The following WDFY4 variants were observed in gnomAD, a reference collection of about 807,000 sequenced individuals.
WDFY4 encodes the protein WDFY family member 4.
Under a neutral mutation model 351.9 loss-of-function variants are expected in WDFY4, and 169 were observed. The observed-to-expected ratio is 0.48, with a 90% CI of 0.42 to 0.55. The LOEUF is 0.55. Among genes scored for constraint, WDFY4 ranks in the 20% least tolerant of loss-of-function variants. WDFY4 has a pLI of 0.00. For synonymous variants in WDFY4, 1,622 were observed against 1,574.6 expected, an observed-to-expected ratio of 1.03 and a Z score of -0.71; for missense variants, 3,803 against 3,935.6, an observed-to-expected ratio of 0.97 and a Z score of 0.90.
chr10:48,697,345 G>A (rs989410947), intron 1 of WDFY4, among the ~76,000 whole-genome samples: 6 of 152,214 alleles, frequency 3.9e-5, no homozygotes, highest in African/African-American at 1.4e-4. Flanking sequence ...GGGGGTCTTA[G>A]CCTCCCGTGT....
chr10:48,981,024 T>C (rs1036528098), intron 60 of WDFY4, among the ~76,000 whole-genome samples: 6 of 152,210 alleles, frequency 3.9e-5, no homozygotes, highest in African/African-American at 1.2e-4. Flanking sequence ...CAGCAAGGTA[T>C]TGTGGGGCAT....
chr10:48,976,267 G>A (rs1347653373), intron 58 of WDFY4, among the ~76,000 whole-genome samples: 1 of 152,176 alleles, frequency 6.6e-6, no homozygotes, highest in Admixed American at 6.5e-5. Flanking sequence ...ACTTGAGGAG[G>A]AAAGACTCAA....
intron 44 of WDFY4, among the ~76,000 whole-genome samples, chr10:48,896,146 G>T (rs1837065110): frequency 6.6e-6 from 1 of 152,332 alleles, no homozygotes; most frequent in East Asian, 1.9e-4. Flanking sequence ...GTCCTGGGCT[G>T]GGTATACCCA....
intron 12 of WDFY4, among the ~76,000 whole-genome samples, chr10:48,749,037 A>G (rs1001315060): frequency 6.6e-6 from 1 of 152,206 alleles, no homozygotes; most frequent in African/African-American, 2.4e-5. Flanking sequence ...GGCAGACATA[A>G]TAATAGTATC....
chr10:48,863,976 T>C (rs761216807), intron 39 of WDFY4, among the ~76,000 whole-genome samples: 3 of 152,086 alleles, frequency 2.0e-5, no homozygotes, highest in Non-Finnish European at 2.9e-5. Flanking sequence ...AAGAACAGCA[T>C]GGGGGAAACC....
chr10:48,949,482 G>T (rs1314939250), intron 51 of WDFY4, among the ~76,000 whole-genome samples: 1 of 152,162 alleles, frequency 6.6e-6, no homozygotes, highest in Admixed American at 6.5e-5. Context: ...TTGAAGTCAG[G>T]CTCTTCCCTC....
At chr10:48,723,295 T>A in intron 4 of WDFY4, 138 bp from the exon 5 acceptor site, 1 of 1,113,796 alleles carries the variant, frequency 9.0e-7, no homozygotes, top group Non-Finnish European at 1.2e-6. Context: ...GTTGTCAGCA[T>A]TTCACACTTG....
intron 1 of WDFY4, among the ~76,000 whole-genome samples, chr10:48,707,557 G>A (rs1169827731): frequency 6.7e-6 from 1 of 149,624 alleles, no homozygotes; most frequent in African/African-American, 2.6e-5. Flanking sequence ...ATAGGCATGT[G>A]ATGCCCACTT....
At chr10:48,710,023 G>A in intron 2 of WDFY4, 57 bp downstream of exon 2, 7 of 1,434,554 alleles carry the variant, frequency 4.9e-6, no homozygotes, top group Non-Finnish European at 6.5e-6. Context: ...ACACTTCTGG[G>A]ATGATTGCAT....
In WDFY4 at chr10:48,734,035, G is replaced by T. The variant is rs1300177216; in HGVS notation, c.1687G>T (p.Val563Phe). 1 of 1,551,924 alleles carries T rather than the reference G, an allele frequency of 6.4e-7. No homozygotes were observed. Among genetic ancestry groups the T allele is most frequent in the Admixed American group, 2.0e-5 (1 of 50,980 alleles). The change falls in exon 10 of 62, where the codon GTT becomes TTT. Residue 563 changes from valine (V) to phenylalanine (F), a missense_variant and splice_region_variant. Around this residue, in one of 3 missense-constraint regions of WDFY4, gnomAD observed 261 missense variants for 330.2 expected, o/e 0.79. Transcript: ENST00000325239. ...TCTGAAAGGCTCGGTGAGGAATGCAGGTAAGGATGGTGCCAAGTTTGCCTC... is the reference window on the plus strand; with the variant it reads ...TCTGAAAGGCTCGGTGAGGAATGCATGTAAGGATGGTGCCAAGTTTGCCTC... ...TLLKGSVRNA[V>F]VLKDHGMVPF...
intron 28 of WDFY4, 124 bp from the exon 29 acceptor site, chr10:48,810,406 A>G (rs900684516): frequency 3.7e-6 from 3 of 818,342 alleles, no homozygotes; most frequent in African/African-American, 3.5e-5. Context: ...GTAATACATA[A>G]TAAGTGATGT....
chr10:48,767,307 G>A (rs947327901), intron 13 of WDFY4, among the ~76,000 whole-genome samples: 20 of 152,176 alleles, frequency 1.3e-4, no homozygotes, highest in African/African-American at 4.3e-4. Flanking sequence ...CTGTGTATGG[G>A]TACATCAGAG....
chr10:48,981,545 A>G, intron 61 of WDFY4, 67 bp downstream of exon 61: 1 of 1,456,796 alleles, frequency 6.9e-7, no homozygotes, highest in East Asian at 2.5e-5. Flanking sequence ...GGAAAGCCCC[A>G]GTGGCTCTGA....
rs368203431 is a variant in WDFY4 at position 48,821,166 on chromosome 10, G to A, written c.5814G>A (p.Ala1938=). ...LFHMTSGGDA[A]MFRDGKEPQP... is the part of the protein sequence containing the mutation. ...ACATGACAAGTGGAGGTGATGCAGC[G>A]ATGTTCAGAGGTGAGTGGGGCAACT... Residue 1938 remains alanine, a synonymous_variant, in exon 34 of 62, where the codon GCG becomes GCA. Coordinates refer to ENST00000325239, the MANE Select transcript of WDFY4 (RefSeq NM_001394531.1). 2.6e-6 allele frequency: 4 copies of A among 1,551,450 alleles called. No individual in the cohort carries two copies. Among genetic ancestry groups the A allele is most frequent in the South Asian group, 1.2e-5 (1 of 84,062 alleles).
At chr10:48,803,456 G>A in intron 25 of WDFY4, 97 bp downstream of exon 25, 13 of 1,194,324 alleles carry the variant, frequency 1.1e-5, no homozygotes, top group Non-Finnish European at 1.5e-5. Context: ...CCTGCTCCCA[G>A]AACACTGGGT....
Position 48,787,919 on chromosome 10 carries a change from T to C in WDFY4, c.3809-611T>C, listed in dbSNP as rs907865328. On this transcript the variant is annotated intron_variant, in intron 20 of 61. Coordinates refer to ENST00000325239, the MANE Select transcript of WDFY4 (RefSeq NM_001394531.1). ...CTTCTTCTTCTTCTTCTTCTTCTTC[T>C]TCTTCTTCTTCTTCTTCTTCTTCTT... 1.1e-3 allele frequency among the ~76,000 whole-genome samples: 75 copies of C among 66,794 alleles called. 3 individuals carry two copies. Among genetic ancestry groups the C allele is most frequent in the African/African-American group, 4.9e-3 (69 of 14,200 alleles). 43.8% of individuals were successfully genotyped at this position (66,794 alleles called of 152,430 possible). A position where few individuals can be genotyped will look rare whatever the true frequency, so the allele number is the denominator to read the frequency against.
At position 48,774,706 on chromosome 10, in the gene WDFY4, T is replaced by C. The variant is rs754343312; in HGVS notation, c.2768+34T>C. On this transcript the variant is annotated intron_variant, in intron 14 of 61. Transcript: ENST00000325239. Reference sequence around the variant, plus strand: ...TGCTGCATATTCAGTGCCGCCAAGCTGGGCAGCCATGTCCTTTGCAGGGCA... The same window carrying C: ...TGCTGCATATTCAGTGCCGCCAAGCCGGGCAGCCATGTCCTTTGCAGGGCA... 2.7e-5 allele frequency: 42 copies of C among 1,550,418 alleles called. 1 individual carries two copies. The South Asian group carries it at 2.7e-4, about 10-fold the overall frequency.
intron 12 of WDFY4, among the ~76,000 whole-genome samples, chr10:48,751,397 A>G (rs1312082279): frequency 6.6e-6 from 1 of 152,220 alleles, no homozygotes; most frequent in East Asian, 1.9e-4. Context: ...TTTAAGCTAT[A>G]GGGATGGATG....
intron 11 of WDFY4, 120 bp downstream of exon 11, chr10:48,736,190 C>T: frequency 8.6e-7 from 1 of 1,166,200 alleles, no homozygotes; most frequent in Non-Finnish European, 1.3e-6. Flanking sequence ...CAGGCAGTAC[C>T]CTGTATTAGG....
Sources: gnomAD v4.1 joint callset for allele counts (sites outside exome capture counted in the v4.1 genomes callset) on GRCh38, gnomAD v4.1.1 for gene constraint, gnomAD v4.1.1 regional missense constraint, MANE v1.5 for transcripts, NCBI Gene and HGNC (gene_info 2026-07-23, HGNC 2026-07-21) for gene names.